DMRT1: variants seen among roughly 807,000 people sequenced by gnomAD.
The protein encoded by DMRT1 is doublesex and mab-3 related transcription factor 1, also known as doublesex- and mab-3-related transcription factor 1.
A neutral mutation model predicts 32.3 loss-of-function variants in DMRT1; 7 were observed. The ratio of observed to expected loss-of-function variants is 0.22; its 90% CI spans 0.12 to 0.41. DMRT1 has a LOEUF of 0.41. DMRT1 is among the 10% of genes least tolerant of loss of function. The pLI is 1.00. For synonymous variants in DMRT1, 278 were observed against 206.1 expected (o/e 1.35, Z -2.99); for missense variants, 625 against 500.5 (o/e 1.25, Z -2.37).
chr9:939,425 A>T (rs990115870), intron 4 of DMRT1, among the ~76,000 whole-genome samples: 1 of 152,234 alleles, frequency 6.6e-6, no homozygotes, highest in East Asian at 1.9e-4. Context: ...TTATGTCAGG[A>T]TATTTCCAAA....
At position 968,515 on chromosome 9, in the gene DMRT1, G is replaced by GTTT; in HGVS notation, c.*388_*390dup. The GTTT allele has an allele frequency of 6.6e-6, 1 of 151,982 alleles. No individual in the cohort carries two copies. The allele number at this position is 151,982 out of a possible 1,614,324, so 9.4% of individuals were successfully genotyped here. On this transcript the variant is annotated 3_prime_UTR_variant, in exon 5 of 5. Coordinates refer to ENST00000382276, the MANE Select transcript of DMRT1 (RefSeq NM_021951.3). ...AAATGAAATCTTAGGTGCCTTAGGG[G>GTTT]TTTTTTTTTTTTTTAAGTATTTTTT...
At chr9:948,215 C>T (rs1022492170) in intron 4 of DMRT1, among the ~76,000 whole-genome samples, 5 of 152,150 alleles carry the variant, frequency 3.3e-5, no homozygotes, top group African/African-American at 1.2e-4. Context: ...TGCAACCCAG[C>T]CCCGGCCTGC....
At chr9:928,499 G>C (rs1213584688) in intron 4 of DMRT1, among the ~76,000 whole-genome samples, 3 of 152,134 alleles carry the variant, frequency 2.0e-5, no homozygotes, top group Admixed American at 1.3e-4. Flanking sequence ...TCTTACTAGA[G>C]ATGATTAACT....
At chr9:896,276 T>A (rs1236498558) in intron 3 of DMRT1, among the ~76,000 whole-genome samples, 5 of 150,978 alleles carry the variant, frequency 3.3e-5, no homozygotes, top group African/African-American at 1.2e-4. Context: ...TTTTTTTTTC[T>A]TGTCTTTTCT....
At chr9:930,770 T>G (rs535004642) in intron 4 of DMRT1, among the ~76,000 whole-genome samples, 29 of 124,184 alleles carry the variant, frequency 2.3e-4, no homozygotes, top group Non-Finnish European at 9.2e-5. Context: ...TCTCAAACTC[T>G]GGGCCTCAAG....
At chr9:870,146 G>A (rs777600659) in intron 2 of DMRT1, among the ~76,000 whole-genome samples, 13 of 152,108 alleles carry the variant, frequency 8.5e-5, no homozygotes, top group South Asian at 2.1e-4. Flanking sequence ...GCCTGTAATC[G>A]CAATACTTTG....
At chr9:855,845 C>G (rs1419097258) in intron 2 of DMRT1, among the ~76,000 whole-genome samples, 1 of 152,200 alleles carries the variant, frequency 6.6e-6, no homozygotes, top group Non-Finnish European at 1.5e-5. Context: ...TCTCAAACTC[C>G]TGGGCTCAAG....
chr9:921,077 T>C (rs975889928), intron 4 of DMRT1, among the ~76,000 whole-genome samples: 1 of 152,168 alleles, frequency 6.6e-6, no homozygotes, highest in African/African-American at 2.4e-5. Flanking sequence ...TTCAGTGGCA[T>C]TTGGTACATT....
At chr9:882,458 G>C (rs1437280192) in intron 2 of DMRT1, among the ~76,000 whole-genome samples, 1 of 152,140 alleles carries the variant, frequency 6.6e-6, no homozygotes, top group African/African-American at 2.4e-5. Context: ...CTTGCTTAAA[G>C]GTGTCTTCTG....
chr9:858,932 G>A (rs541246034), intron 2 of DMRT1, among the ~76,000 whole-genome samples: 101 of 150,892 alleles, frequency 6.7e-4, no homozygotes, highest in African/African-American at 2.3e-3. Flanking sequence ...GAGTTCAGTG[G>A]TATTAGGTAC....
intron 2 of DMRT1, among the ~76,000 whole-genome samples, chr9:853,208 G>T (rs1276720368): frequency 2.6e-5 from 4 of 152,054 alleles, no homozygotes; most frequent in Non-Finnish European, 1.5e-5. Flanking sequence ...CCCCATCAGA[G>T]TGGTGCATTT....
At chr9:867,572 A>T (rs1157704301) in intron 2 of DMRT1, among the ~76,000 whole-genome samples, 1 of 152,218 alleles carries the variant, frequency 6.6e-6, no homozygotes, top group African/African-American at 2.4e-5. Context: ...AATAGGAAGT[A>T]TGTTTTTCCA....
intron 2 of DMRT1, among the ~76,000 whole-genome samples, chr9:887,750 A>G (rs1230855270): frequency 4.6e-5 from 7 of 152,128 alleles, no homozygotes; most frequent in Admixed American, 2.0e-4. Context: ...CTCTATATAG[A>G]ACCATTTGGT....
At chr9:848,150 G>C (rs1391719314) in intron 2 of DMRT1, among the ~76,000 whole-genome samples, 1 of 152,204 alleles carries the variant, frequency 6.6e-6, no homozygotes, top group Non-Finnish European at 1.5e-5. Flanking sequence ...ATATCACCTT[G>C]ACTAAGCTTT....
intron 2 of DMRT1, among the ~76,000 whole-genome samples, chr9:884,489 G>T (rs1267241576): frequency 6.6e-6 from 1 of 152,134 alleles, no homozygotes; most frequent in South Asian, 2.1e-4. Flanking sequence ...GAGCTCATAA[G>T]CAACATCTCT....
At chr9:913,256 C>G (rs369494696) in intron 3 of DMRT1, among the ~76,000 whole-genome samples, 178 of 152,214 alleles carry the variant, frequency 1.2e-3, no homozygotes, top group Middle Eastern at 6.8e-3. Flanking sequence ...ATTGTCAAAC[C>G]TGAAGTAGAT....
intron 2 of DMRT1, among the ~76,000 whole-genome samples, chr9:871,202 A>AT (rs1816234166): frequency 6.7e-6 from 1 of 149,900 alleles, no homozygotes; most frequent in African/African-American, 2.5e-5. Context: ...TGCCCGGCTA[A>AT]TTTTTTGTAG....
intron 4 of DMRT1, among the ~76,000 whole-genome samples, chr9:955,317 C>T (rs1819564777): frequency 6.6e-6 from 1 of 152,042 alleles, no homozygotes; most frequent in Non-Finnish European, 1.5e-5. Flanking sequence ...GCCAGTTTGC[C>T]AGCATTACTG....
Position 922,274 on chromosome 9 carries a change from T to A in DMRT1, c.967+5367T>A, listed in dbSNP as rs1309155991. Among the ~76,000 whole-genome samples the A allele has an allele frequency of 1.3e-5, 2 of 152,148 alleles. 1 individual carries two copies. The highest frequency in any genetic ancestry group is 1.3e-4 in the Admixed American group (2 of 15,280). On this transcript the variant is annotated intron_variant, in intron 4 of 4. Coordinates refer to ENST00000382276, the MANE Select transcript of DMRT1 (RefSeq NM_021951.3). Reference sequence around the variant, plus strand: ...GTTGGAAACTGGAAAAAAAAAAGTTTAAAGCAGGCCTCTCCTGCTCCACAG... The same window carrying A: ...GTTGGAAACTGGAAAAAAAAAAGTTAAAAGCAGGCCTCTCCTGCTCCACAG...
Sources: allele counts gnomAD v4.1 joint callset (sites outside exome capture counted in the v4.1 genomes callset), GRCh38; gene constraint gnomAD v4.1.1; transcripts MANE v1.5; gene names NCBI Gene and HGNC (gene_info 2026-07-23, HGNC 2026-07-21).